TMEM247: variants seen among roughly 807,000 people sequenced by gnomAD.
The protein encoded by TMEM247 is transmembrane protein ENSP00000343375.
TMEM247 carries 23 observed loss-of-function variants against 20.7 expected under a neutral mutation model. The observed-to-expected ratio is 1.11, with a 90% CI of 0.80 to 1.57. The LOEUF (loss-of-function observed/expected upper bound fraction) is 1.57, where lower values mean the gene tolerates loss of function less well. TMEM247 is among the 40% of genes most tolerant of loss of function. The probability of loss-of-function intolerance (pLI) is 0.00; values close to 1 mark genes in which losing one functional copy is unlikely to be tolerated. For synonymous variants in TMEM247, 106 were observed against 111.9 expected (o/e 0.95, Z 0.33); for missense variants, 354 against 283.8 (o/e 1.25, Z -1.78).
intron 2 of TMEM247, among the ~76,000 whole-genome samples, chr2:46,483,568 A>G (rs549501620): frequency 2.6e-5 from 4 of 152,342 alleles, no homozygotes; most frequent in South Asian, 2.1e-4. Context: ...CCAAGACCCA[A>G]CATCCACATG....
intron 2 of TMEM247, among the ~76,000 whole-genome samples, chr2:46,481,848 G>A (rs1686894957): frequency 1.3e-5 from 2 of 152,154 alleles, no homozygotes; most frequent in Admixed American, 1.3e-4. Flanking sequence ...AATCATTGCT[G>A]TAATTGTTGA....
chr2:46,484,310 A>G, exon 3 of TMEM247: 3 of 1,552,282 alleles, frequency 1.9e-6, no homozygotes, highest in Non-Finnish European at 2.6e-6. Context: ...GTACTGCTTC[A>G]TCTTCATTCA....
chr2:46,482,874 A>T (rs1686915764), intron 2 of TMEM247, among the ~76,000 whole-genome samples: 1 of 152,142 alleles, frequency 6.6e-6, no homozygotes, highest in Non-Finnish European at 1.5e-5. Context: ...CTCACATTTT[A>T]TGCAGCTGTT....
At chr2:46,479,924 C>T (rs1026664030) in intron 1 of TMEM247, among the ~76,000 whole-genome samples, 3 of 152,152 alleles carry the variant, frequency 2.0e-5, no homozygotes, top group African/African-American at 7.2e-5. Flanking sequence ...TCTACCTCCC[C>T]ACTTGGGGTC....
At position 46,480,482 on chromosome 2, in the gene TMEM247, AG is replaced by A; in HGVS notation, c.198del (p.Pro67ArgfsTer68). On this transcript the variant is annotated frameshift_variant, in exon 2 of 3. Transcript: ENST00000434431. LOFTEE classifies it high-confidence loss of function. ...AAGCTTGTGAGGACGGAGGCTGCCA[AG>A]GGCCGCTTAAATCGCTGTCCCCCAA... 6.4e-7 allele frequency: 1 copy of A among 1,551,700 alleles called. No homozygotes were observed. The highest frequency in any genetic ancestry group is 8.7e-7 in the Non-Finnish European group (1 of 1,147,010).
intron 2 of TMEM247, among the ~76,000 whole-genome samples, chr2:46,481,652 T>G (rs1379217426): frequency 6.6e-6 from 1 of 152,220 alleles, no homozygotes; most frequent in African/African-American, 2.4e-5. Context: ...GCCCAGCACA[T>G]TAGGTAAGCA....
chr2:46,480,816 C>G, intron 2 of TMEM247, 52 bp downstream of exon 2: 2 of 1,499,566 alleles, frequency 1.3e-6, no homozygotes, highest in Non-Finnish European at 1.8e-6. Context: ...GAGCTGAAGT[C>G]CCATGGGGCC....
intron 2 of TMEM247, among the ~76,000 whole-genome samples, chr2:46,483,555 C>G (rs1014887850): frequency 6.6e-6 from 1 of 152,226 alleles, no homozygotes; most frequent in Non-Finnish European, 1.5e-5. Context: ...TGAGAGAACA[C>G]TCCCAAGACC....
chr2:46,479,852 A>G, intron 1 of TMEM247, 150 bp downstream of exon 1: 1 of 634,730 alleles, frequency 1.6e-6, no homozygotes, highest in Non-Finnish European at 2.8e-6. Flanking sequence ...AGCTGTCACC[A>G]GGGACCAGGT....
At chr2:46,480,503 C>A (rs1558643194) in exon 2 of TMEM247, 1 of 1,551,734 alleles carries the variant, frequency 6.4e-7, no homozygotes, top group Non-Finnish European at 8.7e-7. Flanking sequence ...AATCGCTGTC[C>A]CCCAAGTCCT....
intron 2 of TMEM247, among the ~76,000 whole-genome samples, chr2:46,482,843 C>T (rs1236394852): frequency 6.6e-6 from 1 of 152,182 alleles, no homozygotes; most frequent in East Asian, 1.9e-4. Context: ...TTTTCTGTCC[C>T]CTCAGTTTGG....
rs113839990 is a variant in TMEM247, at chr2:46,482,387, T to C, written c.477+1623T>C. The stretch of plus-strand genomic sequence containing the variant: ...GCCTGGGATAAAATCTGTCACAAAG[T>C]GGAACCTGAAACTATTTAAAGCAGA... On this transcript the variant is annotated intron_variant, in intron 2 of 2. Transcript: ENST00000434431. Among the ~76,000 whole-genome samples, 575 of 152,354 alleles carry C rather than the reference T, an allele frequency of 3.8e-3. 6 individuals carry two copies. The highest frequency in any genetic ancestry group is 0.013 in the African/African-American group (541 of 41,586).
exon 1 of TMEM247, chr2:46,479,586 A>T: frequency 6.4e-7 from 1 of 1,551,476 alleles, no homozygotes; most frequent in Admixed American, 2.0e-5. Flanking sequence ...GGTTTTCTGG[A>T]TGGCAGCAGA....
exon 2 of TMEM247, chr2:46,480,652 A>C (rs1176330830): frequency 1.5e-6 from 2 of 1,291,640 alleles, no homozygotes; most frequent in Non-Finnish European, 2.0e-6. Context: ...AAGTACCTGC[A>C]TGAGAAGAAC....
exon 2 of TMEM247, chr2:46,480,488 G>A (rs1276904567): frequency 5.8e-6 from 9 of 1,551,576 alleles, no homozygotes; most frequent in South Asian, 1.2e-5. Flanking sequence ...GCCAAGGGCC[G>A]CTTAAATCGC....
At chr2:46,481,043 A>G (rs915739563) in intron 2 of TMEM247, among the ~76,000 whole-genome samples, 1 of 152,134 alleles carries the variant, frequency 6.6e-6, no homozygotes, top group Non-Finnish European at 1.5e-5. Context: ...GTGACTCTCT[A>G]AGGAGAGCTG....
chr2:46,484,043 G>C (rs1277018514), intron 2 of TMEM247, among the ~76,000 whole-genome samples: 1 of 152,034 alleles, frequency 6.6e-6, no homozygotes, highest in Admixed American at 6.5e-5. Flanking sequence ...CTCCCACCTT[G>C]GCCTCCCCAA....
intron 2 of TMEM247, among the ~76,000 whole-genome samples, chr2:46,482,055 C>T (rs1471117635): frequency 3.3e-5 from 5 of 152,152 alleles, no homozygotes; most frequent in African/African-American, 1.2e-4. Flanking sequence ...TTGACTGGTC[C>T]AGTTTTGTTT....
rs61995900 is a variant in TMEM247, at chr2:46,480,637, G to A, written c.350G>A (p.Arg117Gln). 53 of 1,308,132 alleles carry A rather than the reference G, an allele frequency of 4.1e-5. No homozygotes were observed. Among genetic ancestry groups the A allele is most frequent in the Non-Finnish European group, 5.0e-5 (50 of 1,007,766 alleles). The allele number at this position is 1,308,132 out of a possible 1,614,324, so 81.0% of individuals were successfully genotyped here. The change falls in exon 2 of 3, where the codon CGG becomes CAG. Residue 117 changes from arginine to glutamine, a missense_variant. Physicochemically the swap from Arg to Gln is conservative, Grantham distance 43. Transcript: ENST00000434431. ...GTGCGCATGGAGTTCGAGCTCACGCGGCTCAAGTACCTGCATGAGAAGAAC... is the reference window on the plus strand; with the variant it reads ...GTGCGCATGGAGTTCGAGCTCACGCAGCTCAAGTACCTGCATGAGAAGAAC...
Sources: gnomAD v4.1 joint callset for allele counts (sites outside exome capture counted in the v4.1 genomes callset) on GRCh38, gnomAD v4.1.1 for gene constraint, MANE v1.5 for transcripts, NCBI Gene and HGNC (gene_info 2026-07-23, HGNC 2026-07-21) for gene names.